The following ARID4B variants were observed in gnomAD, a reference collection of about 807,000 sequenced individuals.
ARID4B encodes AT-rich interactive domain-containing protein 4B.
In ARID4B, 26 loss-of-function variants were observed where a neutral mutation model predicts 147.5. The ratio of observed to expected loss-of-function variants is 0.18; its 90% CI spans 0.13 to 0.24. The LOEUF is 0.24. Among genes scored for constraint, ARID4B ranks in the 10% least tolerant of loss-of-function variants. The pLI is 1.00. For synonymous variants in ARID4B, 512 were observed against 507.9 expected, an observed-to-expected ratio of 1.01 and a Z score of -0.11; for missense variants, 1,179 against 1,511.5, an observed-to-expected ratio of 0.78 and a Z score of 3.65.
At chr1:235,214,974 TG>T (rs1226422874) in intron 16 of ARID4B, among the ~76,000 whole-genome samples, 2 of 151,636 alleles carry the variant, frequency 1.3e-5, no homozygotes, top group Non-Finnish European at 2.9e-5. Flanking sequence ...CCCAAGTAGC[TG>T]GGATTACAGG....
At chr1:235,322,775 A>G (rs917050902) in intron 2 of ARID4B, among the ~76,000 whole-genome samples, 1 of 152,098 alleles carries the variant, frequency 6.6e-6, no homozygotes, top group Non-Finnish European at 1.5e-5. Flanking sequence ...TGTTAAATGA[A>G]TGACTTATGA....
chr1:235,240,505 T>G (rs1289522111), intron 7 of ARID4B, 54 bp from the exon 8 acceptor site: 1 of 1,528,376 alleles, frequency 6.5e-7, no homozygotes, highest in Admixed American at 1.8e-5. Context: ...AGAATAAGCA[T>G]GCCAATGATG....
At chr1:235,219,271 T>C (rs1276771865) in intron 16 of ARID4B, among the ~76,000 whole-genome samples, 2 of 152,120 alleles carry the variant, frequency 1.3e-5, no homozygotes, top group Non-Finnish European at 2.9e-5. Context: ...CCAAAGATTA[T>C]CTATAAAATC....
At chr1:235,270,254 G>A (rs1670893635) in intron 2 of ARID4B, among the ~76,000 whole-genome samples, 1 of 152,112 alleles carries the variant, frequency 6.6e-6, no homozygotes, top group Non-Finnish European at 1.5e-5. Context: ...CTGGACTCCA[G>A]CCCGGGCGAC....
chr1:235,220,616 T>C (rs1667397763), intron 14 of ARID4B, 71 bp from the exon 15 acceptor site: 1 of 1,185,936 alleles, frequency 8.4e-7, no homozygotes, highest in Admixed American at 2.9e-5. Flanking sequence ...ATTTTTAATG[T>C]GTATTCATTT....
At chr1:235,288,077 C>A (rs911268937) in intron 2 of ARID4B, among the ~76,000 whole-genome samples, 1 of 152,154 alleles carries the variant, frequency 6.6e-6, no homozygotes, top group African/African-American at 2.4e-5. Context: ...GAGGCCAAGG[C>A]GGGTGGATCA....
intron 2 of ARID4B, among the ~76,000 whole-genome samples, chr1:235,262,815 A>G (rs1313362749): frequency 6.6e-6 from 1 of 152,212 alleles, no homozygotes; most frequent in Non-Finnish European, 1.5e-5. Flanking sequence ...AATTAAAAAA[A>G]AATTTTTATC....
chr1:235,296,661 T>C lies in ARID4B; in HGVS notation c.6+30253A>G, dbSNP rs374092842. On this transcript the variant is annotated intron_variant, in intron 2 of 23. Transcript: ENST00000264183. ...TTTTTGTAGAGACAGGGTTTTGCCA[T>C]GTTGCCCAGGCTAGTCTCGAACTCC... Among the ~76,000 whole-genome samples, 6 of 150,926 alleles carry C rather than the reference T, an allele frequency of 4.0e-5. No homozygotes were observed. The South Asian group carries it at 8.4e-4, about 21-fold the overall frequency.
At chr1:235,315,258 T>C (rs1373980983) in intron 2 of ARID4B, among the ~76,000 whole-genome samples, 1 of 152,204 alleles carries the variant, frequency 6.6e-6, no homozygotes, top group East Asian at 1.9e-4. Context: ...ACCCCGTCTC[T>C]ACCAAAAATA....
At chr1:235,321,080 A>C (rs1003753877) in intron 2 of ARID4B, among the ~76,000 whole-genome samples, 2 of 152,162 alleles carry the variant, frequency 1.3e-5, no homozygotes, top group African/African-American at 4.8e-5. Context: ...AACCCAGAAC[A>C]ATGTCCGGTA....
At chr1:235,234,260 T>C (rs1668421293) in intron 9 of ARID4B, among the ~76,000 whole-genome samples, 153 bp downstream of exon 9, 1 of 152,100 alleles carries the variant, frequency 6.6e-6, no homozygotes. Flanking sequence ...ATTAAGATAA[T>C]ATGAAAAACA....
intron 20 of ARID4B, chr1:235,181,275 T>G: frequency 3.6e-6 from 2 of 563,080 alleles, no homozygotes; most frequent in Non-Finnish European, 5.2e-6. Flanking sequence ...TCATGCCATA[T>G]AGTCAACCAC....
intron 17 of ARID4B, among the ~76,000 whole-genome samples, chr1:235,199,362 A>AT (rs529376509): frequency 9.3e-5 from 14 of 150,802 alleles, no homozygotes; most frequent in East Asian, 1.9e-4. Flanking sequence ...AAGTTTTTGC[A>AT]TTTTTTTTTA....
chr1:235,320,282 G>A (rs982273678), intron 2 of ARID4B, among the ~76,000 whole-genome samples: 11 of 152,128 alleles, frequency 7.2e-5, no homozygotes, highest in Non-Finnish European at 1.6e-4. Context: ...TCCAGCCTAG[G>A]CAACAGAGAG....
At chr1:235,305,100 G>C (rs911933202) in intron 2 of ARID4B, among the ~76,000 whole-genome samples, 9 of 152,248 alleles carry the variant, frequency 5.9e-5, no homozygotes, top group Non-Finnish European at 1.0e-4. Flanking sequence ...TATTATCTGG[G>C]TGAGCCCTAT....
chr1:235,176,268 T>G (rs1042857274), intron 21 of ARID4B, among the ~76,000 whole-genome samples: 7 of 151,534 alleles, frequency 4.6e-5, no homozygotes, highest in African/African-American at 1.7e-4. Flanking sequence ...ACTAAATAAC[T>G]CATTGAAGAT....
intron 2 of ARID4B, among the ~76,000 whole-genome samples, chr1:235,292,792 G>C (rs1049691945): frequency 6.6e-6 from 1 of 152,070 alleles, no homozygotes; most frequent in African/African-American, 2.4e-5. Context: ...TAAATTTATA[G>C]ATCTACTTTT....
At chr1:235,323,773 A>C (rs934633423) in intron 2 of ARID4B, among the ~76,000 whole-genome samples, 2 of 152,026 alleles carry the variant, frequency 1.3e-5, no homozygotes, top group South Asian at 2.1e-4. Flanking sequence ...AACAAGAGCA[A>C]AAGTCCGTCT....
intron 2 of ARID4B, among the ~76,000 whole-genome samples, chr1:235,302,928 T>TTTTTTTA (rs1673283153): frequency 8.6e-6 from 1 of 116,782 alleles, no homozygotes; most frequent in African/African-American, 3.1e-5. Flanking sequence ...TATATTCTTC[T>TTTTTTTA]TTTTTTCTTT....
Sources: allele counts gnomAD v4.1 joint callset (sites outside exome capture counted in the v4.1 genomes callset), GRCh38; gene constraint gnomAD v4.1.1; transcripts MANE v1.5; gene names NCBI Gene and HGNC (gene_info 2026-07-23, HGNC 2026-07-21).